The following RBPMS variants were observed in gnomAD, a reference collection of about 807,000 sequenced individuals.
RBPMS encodes the protein RNA-binding protein with multiple splicing.
A neutral mutation model predicts 26.8 loss-of-function variants in RBPMS; 7 were observed. The ratio of observed to expected loss-of-function variants is 0.26; its 90% CI spans 0.15 to 0.49. The LOEUF is 0.49. RBPMS is among the 20% of genes least tolerant of loss of function. The pLI, the probability that RBPMS is intolerant of heterozygous loss-of-function variation, is 0.98. For synonymous variants in RBPMS, 96 were observed against 93.3 expected (o/e 1.03, Z -0.17); for missense variants, 186 against 250.0 (o/e 0.74, Z 1.73).
At chr8:30,439,852 A>G (rs1396487613) in intron 1 of RBPMS, among the ~76,000 whole-genome samples, 2 of 151,932 alleles carry the variant, frequency 1.3e-5, no homozygotes, top group East Asian at 3.9e-4. Flanking sequence ...GGGTTTCACC[A>G]TGTTGCCCAG....
At chr8:30,433,103 T>TC (rs753483831) in intron 1 of RBPMS, among the ~76,000 whole-genome samples, 15 of 151,990 alleles carry the variant, frequency 9.9e-5, no homozygotes, top group African/African-American at 3.4e-4. Flanking sequence ...GCGGCCTCAC[T>TC]CCCCCCAAAC....
intron 5 of RBPMS, among the ~76,000 whole-genome samples, chr8:30,518,715 T>TTTTTTTTTTTTG (rs1554533805): frequency 7.7e-6 from 1 of 129,924 alleles, no homozygotes; most frequent in Non-Finnish European, 1.6e-5. Flanking sequence ...TTTTTTTTTT[T>TTTTTTTTTTTTG]CTGAAAAGGA....
Position 30,529,589 on chromosome 8 carries a change from G to A in RBPMS, c.398-14905G>A, listed in dbSNP as rs1231472591. Among the ~76,000 whole-genome samples, 3 of 152,062 alleles carry A rather than the reference G, an allele frequency of 2.0e-5. No individual in the cohort carries two copies. The East Asian group carries it at 5.8e-4, about 29-fold the overall frequency. ...CATTCCCTCCTTTCCTTGTCACCTG[G>A]TAGCTGAAAATCTACTTTCTTTCTG... is the stretch of plus-strand genomic sequence containing the variant. On this transcript the variant is annotated intron_variant, in intron 5 of 8. Transcript: ENST00000397323.
intron 1 of RBPMS, among the ~76,000 whole-genome samples, chr8:30,407,631 GA>G (rs1808806108): frequency 2.4e-4 from 1 of 4,228 alleles, no homozygotes; most frequent in Middle Eastern, 0.036. Context: ...GAGCGCAGTT[GA>G]TGTGAGATTG....
intron 5 of RBPMS, among the ~76,000 whole-genome samples, chr8:30,524,446 TC>T (rs1423507370): frequency 6.6e-6 from 1 of 152,148 alleles, no homozygotes; most frequent in African/African-American, 2.4e-5. Context: ...TATGTAGTTT[TC>T]CCCAAGATTA....
chr8:30,527,170 C>T (rs952213682), intron 5 of RBPMS, among the ~76,000 whole-genome samples: 1 of 152,216 alleles, frequency 6.6e-6, no homozygotes, highest in Non-Finnish European at 1.5e-5. Flanking sequence ...AGAAAAATCA[C>T]TTTCTGGCAA....
intron 5 of RBPMS, among the ~76,000 whole-genome samples, chr8:30,510,846 T>C (rs1311526113): frequency 6.6e-6 from 1 of 152,212 alleles, no homozygotes; most frequent in Admixed American, 6.5e-5. Flanking sequence ...GTTCTGGGAT[T>C]ACAGGTGTGA....
At chr8:30,449,056 G>A (rs1226908990) in intron 1 of RBPMS, among the ~76,000 whole-genome samples, 1 of 152,154 alleles carries the variant, frequency 6.6e-6, no homozygotes, top group East Asian at 1.9e-4. Context: ...GAGAATGACA[G>A]GTAACTTCTG....
In RBPMS at chr8:30,439,537, T is replaced by C. The variant is rs1812836660; in HGVS notation, c.67-35242T>C. On this transcript the variant is annotated intron_variant, in intron 1 of 8. Coordinates refer to ENST00000397323, the MANE Select transcript of RBPMS (RefSeq NM_001008710.3). ...GCGGTGAGCAAATCTTTTGACATTG[T>C]GATGATACATTCTTCTAAAGGTTAG... is the stretch of plus-strand genomic sequence containing the variant. 2.6e-5 allele frequency among the ~76,000 whole-genome samples: 4 copies of C among 152,348 alleles called. No homozygotes were observed. In the South Asian group the frequency reaches 8.3e-4, roughly 32 times the overall value.
intron 8 of RBPMS, among the ~76,000 whole-genome samples, chr8:30,567,397 C>T (rs1827972694): frequency 6.6e-6 from 1 of 152,168 alleles, no homozygotes; most frequent in Non-Finnish European, 1.5e-5. Context: ...GCATTTTTCC[C>T]AGGGTGCCTG....
At chr8:30,456,485 C>T (rs1036191770) in intron 1 of RBPMS, among the ~76,000 whole-genome samples, 1 of 115,430 alleles carries the variant, frequency 8.7e-6, no homozygotes, top group African/African-American at 2.9e-5. Context: ...TGACATTAAC[C>T]ACACTAAAAA....
chr8:30,385,184 G>C (rs890102764), intron 1 of RBPMS, 26 bp downstream of exon 1: 2 of 1,452,308 alleles, frequency 1.4e-6, no homozygotes, highest in African/African-American at 3.0e-5. Context: ...GTGTGGTGGC[G>C]GGGGCGACGC....
chr8:30,438,696 G>A (rs1219011474), intron 1 of RBPMS, among the ~76,000 whole-genome samples: 1 of 152,140 alleles, frequency 6.6e-6, no homozygotes, highest in African/African-American at 2.4e-5. Context: ...TTATTAGATA[G>A]GCTTGATGTC....
At chr8:30,570,308 C>A (rs547754919) in intron 8 of RBPMS, among the ~76,000 whole-genome samples, 1 of 152,302 alleles carries the variant, frequency 6.6e-6, no homozygotes, top group Admixed American at 6.5e-5. Context: ...TCTGCATACA[C>A]CTTTTCTACA....
intron 4 of RBPMS, among the ~76,000 whole-genome samples, chr8:30,489,288 C>T (rs946687252): frequency 2.0e-5 from 3 of 151,926 alleles, no homozygotes; most frequent in African/African-American, 7.3e-5. Context: ...CTCAAGTGAT[C>T]TCTCACCTCA....
At chr8:30,465,541 C>T (rs1816403321) in intron 1 of RBPMS, among the ~76,000 whole-genome samples, 1 of 152,198 alleles carries the variant, frequency 6.6e-6, no homozygotes, top group Non-Finnish European at 1.5e-5. Flanking sequence ...AATCCCAGCG[C>T]TTTGAGAGGC....
Position 30,426,795 on chromosome 8 carries a change from C to T in RBPMS, c.66+41637C>T, listed in dbSNP as rs541171323. On this transcript the variant is annotated intron_variant, in intron 1 of 8. Transcript: ENST00000397323. ...AGTGATTGTTCATGTTTTGGGGGAT[C>T]GTTGATCCCTTTGAGAGTCTGGTGA... Among the ~76,000 whole-genome samples, 4 of 150,824 alleles carry T rather than the reference C, an allele frequency of 2.7e-5. No homozygotes were observed. The South Asian group carries it at 8.4e-4, about 32-fold the overall frequency.
At chr8:30,517,908 A>T (rs1232851611) in intron 5 of RBPMS, among the ~76,000 whole-genome samples, 2 of 152,244 alleles carry the variant, frequency 1.3e-5, no homozygotes, top group South Asian at 2.1e-4. Context: ...TCAAAAACTG[A>T]AAGTGTAGGG....
At chr8:30,491,054 G>A (rs1185864934) in intron 4 of RBPMS, among the ~76,000 whole-genome samples, 1 of 152,018 alleles carries the variant, frequency 6.6e-6, no homozygotes, top group Non-Finnish European at 1.5e-5. Context: ...AAAAAATAGG[G>A]TTAAGGAGCA....
Sources: allele counts gnomAD v4.1 joint callset (sites outside exome capture counted in the v4.1 genomes callset), GRCh38; gene constraint gnomAD v4.1.1; transcripts MANE v1.5; gene names NCBI Gene and HGNC (gene_info 2026-07-23, HGNC 2026-07-21).